CACNA1I: variants seen among roughly 807,000 people sequenced by gnomAD.
CACNA1I encodes the protein voltage-dependent T-type calcium channel subunit alpha-1I.
A neutral mutation model predicts 201.6 loss-of-function variants in CACNA1I; 74 were observed. That is an observed-to-expected ratio of 0.37 (90% CI 0.30 to 0.45). CACNA1I has a LOEUF of 0.45. Ranked by LOEUF, CACNA1I falls within the 20% of genes least tolerant of loss-of-function variation. The probability of loss-of-function intolerance (pLI) is 1.00; values close to 1 mark genes in which losing one functional copy is unlikely to be tolerated. For synonymous variants in CACNA1I, 1,431 were observed against 1,345.2 expected, an observed-to-expected ratio of 1.06 and a Z score of -1.40; for missense variants, 2,346 against 3,138.1, an observed-to-expected ratio of 0.75 and a Z score of 6.03.
At chr22:39,658,822 A>G in intron 11 of CACNA1I, 109 bp from the exon 12 acceptor site, 1 of 931,276 alleles carries the variant, frequency 1.1e-6, no homozygotes, top group Non-Finnish European at 1.6e-6. Flanking sequence ...TGGATGGATG[A>G]ATGGAAGCTC....
intron 31 of CACNA1I, among the ~76,000 whole-genome samples, chr22:39,678,827 C>G (rs1935592968): frequency 6.6e-6 from 1 of 152,224 alleles, no homozygotes; most frequent in Non-Finnish European, 1.5e-5. Flanking sequence ...TCAGGCCTGA[C>G]TGTCCCGGGG....
At position 39,662,430 on chromosome 22, in the gene CACNA1I, G is replaced by T; in HGVS notation, c.3367G>T (p.Asp1123Tyr). The change falls in exon 17 of 37, where the codon GAC becomes TAC. Residue 1123 changes from aspartate to tyrosine, a missense_variant. Asp to Tyr is a radical substitution (Grantham distance 160). This residue lies in a region of CACNA1I where 158 missense variants were observed against 231.6 expected (regional missense o/e 0.68). Coordinates refer to ENST00000402142, the MANE Select transcript of CACNA1I (RefSeq NM_021096.4). ...GDRGEDEEEI[D>Y]YTLCFRVRKM... ...TCGCGGGGAGGATGAGGAGGAAATC[G>T]ACTACGTGAGTGGGGGCGGGGCCGA... The T allele has an allele frequency of 6.9e-7, 1 of 1,442,114 alleles. No homozygotes were observed. The highest frequency in any genetic ancestry group is 1.5e-5 in the South Asian group (1 of 68,494). The allele number at this position is 1,442,114 out of a possible 1,614,324, so 89.3% of individuals were successfully genotyped here. A position where few individuals can be genotyped will look rare whatever the true frequency, so the allele number is the denominator to read the frequency against.
At chr22:39,572,101 C>A (rs1278709385) in intron 1 of CACNA1I, among the ~76,000 whole-genome samples, 1 of 152,084 alleles carries the variant, frequency 6.6e-6, no homozygotes, top group East Asian at 1.9e-4. Flanking sequence ...GTGGCGGGAG[C>A]CCTGCAGGGC....
At position 39,685,965 on chromosome 22, in the gene CACNA1I, C is replaced by T; in HGVS notation, c.6232C>T (p.Arg2078Trp). ...SLRGRGLFSLRGLRAHQRSHS... is the reference protein window; with the variant it reads ...SLRGRGLFSLWGLRAHQRSHS... ...GCGCGGCCGGGGCCTCTTCAGCCTG[C>T]GGGGGCTGCGGGCGCATCAGCGCAG... Residue 2078 changes from arginine to tryptophan, a missense_variant, in exon 37 of 37, where the codon CGG (arginine) becomes TGG (tryptophan). Arg to Trp is a moderately radical substitution (Grantham distance 101). Around this residue, in one of 13 missense-constraint regions of CACNA1I, gnomAD observed 441 missense variants for 555.6 expected, o/e 0.79. Coordinates refer to ENST00000402142, the MANE Select transcript of CACNA1I (RefSeq NM_021096.4). The surrounding 1 kb of genome is among the most constrained non-coding windows in gnomAD (Gnocchi z 5.0). The T allele has an allele frequency of 1.6e-6, 2 of 1,257,390 alleles. No homozygotes were observed. Among genetic ancestry groups the T allele is most frequent in the Non-Finnish European group, 9.9e-7 (1 of 1,008,234 alleles). The allele number at this position is 1,257,390 out of a possible 1,614,324, so 77.9% of individuals were successfully genotyped here. A position where few individuals can be genotyped will look rare whatever the true frequency, so the allele number is the denominator to read the frequency against.
intron 3 of CACNA1I, among the ~76,000 whole-genome samples, chr22:39,603,265 T>G (rs1933120816): frequency 6.6e-6 from 1 of 152,352 alleles, no homozygotes; most frequent in Non-Finnish European, 1.5e-5. Flanking sequence ...TCATGTTATA[T>G]AGATGTTTCT....
chr22:39,601,245 G>A (rs966403508), intron 3 of CACNA1I, among the ~76,000 whole-genome samples: 7 of 152,198 alleles, frequency 4.6e-5, no homozygotes, highest in South Asian at 2.1e-4. Context: ...CAGTGTTGGC[G>A]CCGCCCTAGC....
chr22:39,677,968 ACCT>A lies in CACNA1I; in HGVS notation c.4934-13_4934-11del. ...GGCACTCCGCCATCGGGCAGGGCTG[ACCT>A]CCTCCCCGCTTCCAGTCTGCAACGA... On this transcript the variant is annotated splice_polypyrimidine_tract_variant and intron_variant, in intron 30 of 36. Transcript: ENST00000402142. The surrounding 1 kb of genome is among the most constrained non-coding windows in gnomAD (Gnocchi z 4.8). 1 of 1,572,586 alleles carries A rather than the reference ACCT, an allele frequency of 6.4e-7. No individual in the cohort carries two copies. The highest frequency in any genetic ancestry group is 8.6e-7 in the Non-Finnish European group (1 of 1,160,114).
chr22:39,655,442 C>G (rs911952126), intron 10 of CACNA1I, among the ~76,000 whole-genome samples: 3 of 152,208 alleles, frequency 2.0e-5, no homozygotes, highest in African/African-American at 7.2e-5. Flanking sequence ...TCTGCCTTCA[C>G]TGGGTGGTCT....
At chr22:39,671,197 G>A (rs1350605861) in intron 26 of CACNA1I, among the ~76,000 whole-genome samples, 1 of 152,194 alleles carries the variant, frequency 6.6e-6, no homozygotes, top group African/African-American at 2.4e-5. Flanking sequence ...GCAGGATTTG[G>A]ACCGTGGCTT....
At chr22:39,588,442 G>A (rs1356705913) in intron 1 of CACNA1I, among the ~76,000 whole-genome samples, 1 of 146,432 alleles carries the variant, frequency 6.8e-6, no homozygotes, top group African/African-American at 2.6e-5. Context: ...CTGGAGTGCA[G>A]TGGCGTGATC....
At chr22:39,578,030 G>A (rs1204844216) in intron 1 of CACNA1I, among the ~76,000 whole-genome samples, 1 of 152,210 alleles carries the variant, frequency 6.6e-6, no homozygotes, top group Non-Finnish European at 1.5e-5. Context: ...GTACACTGGA[G>A]CTGACGGAGT....
chr22:39,646,833 C>T lies in CACNA1I; in HGVS notation c.1414C>T (p.Pro472Ser), dbSNP rs973368076. 24 of 1,535,562 alleles carry T rather than the reference C, an allele frequency of 1.6e-5. No individual in the cohort carries two copies. The highest frequency in any genetic ancestry group is 1.9e-5 in the Non-Finnish European group (22 of 1,141,292). Residue 472 changes from proline (P) to serine (S), a missense_variant, in exon 8 of 37, where the codon CCG becomes TCG. Around this residue, in one of 13 missense-constraint regions of CACNA1I, gnomAD observed 312 missense variants for 331.5 expected, o/e 0.94. Coordinates refer to ENST00000402142, the MANE Select transcript of CACNA1I (RefSeq NM_021096.4). ...GCGCCAGGCCCTGGGCCCGGAGGCC[C>T]CGGCCCCCGCCAAACCTGGGCCCCA... Reference protein sequence around the residue: ...SRRQALGPEAPAPAKPGPHAK... With the variant: ...SRRQALGPEASAPAKPGPHAK...
In CACNA1I at chr22:39,659,662, G is replaced by A. The variant is rs145355506; in HGVS notation, c.2449-35G>A. 204 of 1,612,368 alleles carry A rather than the reference G, an allele frequency of 1.3e-4. No individual in the cohort carries two copies. The African/African-American group carries it at 2.5e-3, about 20-fold the overall frequency. ...CCTTGTAGAGCCTAGCCCTGGACTA[G>A]GGGTACCCCAGGGCTAACTGTGTCT... On this transcript the variant is annotated intron_variant, in intron 13 of 36. Transcript: ENST00000402142. This position sits in a 1 kb window ranked among gnomAD's most constrained non-coding sequence, Gnocchi z 4.3.
At chr22:39,586,361 A>C (rs1932752433) in intron 1 of CACNA1I, among the ~76,000 whole-genome samples, 1 of 152,070 alleles carries the variant, frequency 6.6e-6, no homozygotes, top group African/African-American at 2.4e-5. Flanking sequence ...ACATGGTGGC[A>C]CATGCCTGTA....
chr22:39,672,864 T>A, intron 27 of CACNA1I, 85 bp from the exon 28 acceptor site: 1 of 1,453,028 alleles, frequency 6.9e-7, no homozygotes, highest in Non-Finnish European at 9.3e-7. Context: ...GGTCAGGACC[T>A]GGGAGGCTCC....
At chr22:39,653,074 G>C (rs1934695669) in intron 10 of CACNA1I, among the ~76,000 whole-genome samples, 1 of 146,938 alleles carries the variant, frequency 6.8e-6, no homozygotes, top group Non-Finnish European at 1.5e-5. Context: ...CTGCATTGTG[G>C]GTGCACGGAG....
rs373039888 is a variant in CACNA1I at position 39,664,102 on chromosome 22, T to C, written c.3609T>C (p.Phe1203=). 54 of 1,613,600 alleles carry C rather than the reference T, an allele frequency of 3.3e-5. No individual in the cohort carries two copies. The highest frequency in any genetic ancestry group is 4.5e-5 in the Non-Finnish European group (53 of 1,179,742). Residue 1203 remains phenylalanine, a synonymous_variant, in exon 20 of 37, where the codon TTT becomes TTC. Coordinates refer to ENST00000402142, the MANE Select transcript of CACNA1I (RefSeq NM_021096.4). The part of the protein sequence containing the change: ...QIEAGSTERI[F]LTVSNYIFTA... ...CCCGATGCTTTCAGGAACGCATCTT[T>C]CTCACCGTGTCCAACTACATCTTCA... is the stretch of plus-strand genomic sequence containing the variant.
chr22:39,651,855 C>T (rs570419813), intron 10 of CACNA1I, among the ~76,000 whole-genome samples: 8 of 152,334 alleles, frequency 5.3e-5, no homozygotes, highest in African/African-American at 1.7e-4. Flanking sequence ...TTGCAGAGGG[C>T]TCTTTGCCAG....
intron 1 of CACNA1I, among the ~76,000 whole-genome samples, chr22:39,587,053 G>A (rs533063720): frequency 6.3e-4 from 96 of 152,182 alleles, no homozygotes; most frequent in African/African-American, 2.2e-3. Context: ...AAATCTCTTC[G>A]GCTGGAGCAT....
Sources: allele counts gnomAD v4.1 joint callset (sites outside exome capture counted in the v4.1 genomes callset), GRCh38; gene constraint gnomAD v4.1.1; regional missense constraint gnomAD v4.1.1; non-coding constraint Gnocchi (gnomAD v3.1); transcripts MANE v1.5; gene names NCBI Gene and HGNC (gene_info 2026-07-23, HGNC 2026-07-21).